The following PRDM10 variants were observed in gnomAD, a reference collection of about 807,000 sequenced individuals.
PRDM10 encodes the protein PR/SET domain 10.
In PRDM10, 65 loss-of-function variants were observed where a neutral mutation model predicts 133.1. The observed-to-expected ratio is 0.49, with a 90% CI of 0.40 to 0.60. The LOEUF (loss-of-function observed/expected upper bound fraction) is 0.60, where lower values mean the gene tolerates loss of function less well. Ranked by LOEUF, PRDM10 falls within the 20% of genes least tolerant of loss-of-function variation. PRDM10 has a pLI of 0.00. For missense variants in PRDM10, 1,137 were observed against 1,507.1 expected (o/e 0.75, Z 4.07); for synonymous variants, 582 against 580.4 (o/e 1.00, Z -0.04).
At position 129,914,914 on chromosome 11, in the gene PRDM10, C is replaced by T. The variant is rs758074195; in HGVS notation, c.2631G>A (p.Ala877=). The change falls in exon 17 of 21, where the codon GCG becomes GCA. Residue 877 remains alanine (A), a synonymous_variant. Transcript: ENST00000360871. ...CAGTGGCGCTGTCTGTAGTCAAAACCGCTGGGGTGGCACTGATCACAGCTG... is the reference window on the plus strand; with the variant it reads ...CAGTGGCGCTGTCTGTAGTCAAAACTGCTGGGGTGGCACTGATCACAGCTG... ...LTTAVISATP[A]VLTTDSATGE... 2.7e-5 allele frequency: 43 copies of T among 1,613,994 alleles called. No individual in the cohort carries two copies. The highest frequency in any genetic ancestry group is 3.4e-5 in the Non-Finnish European group (40 of 1,180,018).
intron 1 of PRDM10, among the ~76,000 whole-genome samples, chr11:129,992,912 C>T (rs1312249188): frequency 6.6e-6 from 1 of 152,136 alleles, no homozygotes; most frequent in African/African-American, 2.4e-5. Flanking sequence ...ACACAGCAGT[C>T]CTGAAATAGT....
intron 1 of PRDM10, among the ~76,000 whole-genome samples, chr11:129,988,397 A>G (rs1938540992): frequency 6.6e-6 from 1 of 152,076 alleles, no homozygotes; most frequent in Admixed American, 6.6e-5. Flanking sequence ...TGAGACTGGC[A>G]ATTTTTATAT....
At chr11:129,933,538 A>AT (rs1204604694) in intron 9 of PRDM10, among the ~76,000 whole-genome samples, 2 of 152,202 alleles carry the variant, frequency 1.3e-5, no homozygotes, top group Admixed American at 1.3e-4. Flanking sequence ...GAGTATTATT[A>AT]TATCTAGTCA....
At chr11:129,978,529 A>C (rs1445880227) in intron 1 of PRDM10, among the ~76,000 whole-genome samples, 11 of 152,214 alleles carry the variant, frequency 7.2e-5, no homozygotes, top group African/African-American at 2.7e-4. Flanking sequence ...CAAGGCTTCA[A>C]AACCAACCAA....
chr11:129,930,636 T>C (rs1950823219), intron 11 of PRDM10, among the ~76,000 whole-genome samples: 1 of 152,172 alleles, frequency 6.6e-6, no homozygotes, highest in Non-Finnish European at 1.5e-5. Context: ...TTACCCAAAA[T>C]CAACTTGAGA....
At position 129,991,906 on chromosome 11, in the gene PRDM10, G is replaced by A. The variant is rs114392384; in HGVS notation, c.-119+10816C>T. Among the ~76,000 whole-genome samples, 585 of 151,864 alleles carry A rather than the reference G, an allele frequency of 3.9e-3. 5 individuals are homozygous for A. Among genetic ancestry groups the A allele is most frequent in the African/African-American group, 0.013 (551 of 41,420 alleles). ...GCTGAGACAGGAGTATCAGAGAATC[G>A]CTTGAACCCAGGAGGCAGAGGTTGC... On this transcript the variant is annotated intron_variant, in intron 1 of 20. Coordinates refer to ENST00000360871, the MANE Select transcript of PRDM10 (RefSeq NM_199437.2).
intron 1 of PRDM10, among the ~76,000 whole-genome samples, chr11:129,994,483 A>AC (rs1295766649): frequency 6.7e-6 from 1 of 149,362 alleles, no homozygotes; most frequent in East Asian, 2.0e-4. Flanking sequence ...AAAAAAAAAA[A>AC]GAAACGAAAC....
chr11:129,907,358 C>T (rs1168099281), intron 19 of PRDM10, among the ~76,000 whole-genome samples: 1 of 152,186 alleles, frequency 6.6e-6, no homozygotes, highest in Non-Finnish European at 1.5e-5. Flanking sequence ...ACTCAAAAGT[C>T]ATCATCAATT....
At chr11:129,956,342 C>T (rs779951818) in intron 3 of PRDM10, among the ~76,000 whole-genome samples, 8 of 152,160 alleles carry the variant, frequency 5.3e-5, no homozygotes, top group African/African-American at 1.2e-4. Flanking sequence ...CCAAGGCAGG[C>T]GGATCACCTG....
intron 1 of PRDM10, among the ~76,000 whole-genome samples, chr11:129,970,791 C>T (rs754887060): frequency 5.3e-5 from 8 of 152,072 alleles, no homozygotes; most frequent in Non-Finnish European, 1.2e-4. Context: ...GGTGATCCAC[C>T]CACCCTGGCC....
At position 129,927,632 on chromosome 11, in the gene PRDM10, T is replaced by C. The variant is rs532378833; in HGVS notation, c.1531-2403A>G. Among the ~76,000 whole-genome samples, 70 of 152,290 alleles carry C rather than the reference T, an allele frequency of 4.6e-4. 2 individuals are homozygous for C. In the South Asian group the frequency reaches 0.014, roughly 31 times the overall value. On this transcript the variant is annotated intron_variant, in intron 11 of 20. Transcript: ENST00000360871. Reference sequence around the variant, plus strand: ...ACTTGATTTAAACTGAGCCACCACCTGGCTCCACTTTCTTGGCTCTATTGA... The same window carrying C: ...ACTTGATTTAAACTGAGCCACCACCCGGCTCCACTTTCTTGGCTCTATTGA...
chr11:129,954,238 T>C (rs1178891177), intron 4 of PRDM10, among the ~76,000 whole-genome samples: 1 of 150,668 alleles, frequency 6.6e-6, no homozygotes, highest in African/African-American at 2.4e-5. Flanking sequence ...AAAGTGCTTC[T>C]TCTTTTAAAT....
rs148978630 is a variant in PRDM10 at position 129,953,218 on chromosome 11, T to C, written c.294+2294A>G. On this transcript the variant is annotated intron_variant, in intron 4 of 20. Transcript: ENST00000360871. The stretch of plus-strand genomic sequence containing the variant: ...GTATCAAACTCCTGATCTCAGGTGA[T>C]CCGCCCACCTTGGCTTCCCAAAGTG... 7.2e-4 allele frequency among the ~76,000 whole-genome samples: 110 copies of C among 152,170 alleles called. No individual in the cohort carries two copies. In the East Asian group the frequency reaches 0.02, roughly 28 times the overall value.
At chr11:129,917,328 C>G in intron 14 of PRDM10, 91 bp from the exon 15 acceptor site, 1 of 938,040 alleles carries the variant, frequency 1.1e-6, no homozygotes, top group Non-Finnish European at 1.6e-6. Context: ...CCGCCAGAAG[C>G]TGGAATTCTC....
At chr11:129,995,778 T>C (rs1457835549) in intron 1 of PRDM10, among the ~76,000 whole-genome samples, 1 of 152,082 alleles carries the variant, frequency 6.6e-6, no homozygotes, top group Non-Finnish European at 1.5e-5. Flanking sequence ...AAACCCCGTC[T>C]CTACTAAAAA....
rs1456549473 is a variant in PRDM10 at position 129,947,432 on chromosome 11, G to C, written c.295-62C>G. The C allele has an allele frequency of 1.4e-5, 22 of 1,603,778 alleles. No homozygotes were observed. Among genetic ancestry groups the C allele is most frequent in the Non-Finnish European group, 1.9e-5 (22 of 1,171,936 alleles). On this transcript the variant is annotated intron_variant, in intron 4 of 20. Transcript: ENST00000360871. This position sits in a 1 kb window ranked among gnomAD's most constrained non-coding sequence, Gnocchi z 4.6. ...GGACACCTGCTTTTGGTTCGCTGGT[G>C]CCTGCTGGCACAAACAGGGCGCAAG...
At chr11:129,970,538 A>ACCCAACC (rs1378801264) in intron 1 of PRDM10, among the ~76,000 whole-genome samples, 1 of 147,334 alleles carries the variant, frequency 6.8e-6, no homozygotes, top group East Asian at 2.1e-4. Flanking sequence ...TAACAATCAT[A>ACCCAACC]CCCAACCTTT....
chr11:129,915,640 T>C lies in PRDM10; in HGVS notation c.2526+20A>G, dbSNP rs1358536464. On this transcript the variant is annotated intron_variant, in intron 16 of 20. Coordinates refer to ENST00000360871, the MANE Select transcript of PRDM10 (RefSeq NM_199437.2). Reference sequence around the variant, plus strand: ...CGCATGGCGGTTTTGACCTTAGCTTTAGTCAGAAACTCCCCCTACCTTGCT... The same window carrying C: ...CGCATGGCGGTTTTGACCTTAGCTTCAGTCAGAAACTCCCCCTACCTTGCT... The C allele has an allele frequency of 6.5e-7, 1 of 1,550,104 alleles. No homozygotes were observed. Among genetic ancestry groups the C allele is most frequent in the Non-Finnish European group, 8.7e-7 (1 of 1,148,852 alleles).
intron 19 of PRDM10, among the ~76,000 whole-genome samples, chr11:129,906,406 G>A (rs1011826554): frequency 5.3e-5 from 8 of 152,124 alleles, no homozygotes; most frequent in African/African-American, 1.4e-4. Context: ...GGGATCACTC[G>A]AGCATGGGTA....
Sources: allele counts gnomAD v4.1 joint callset (sites outside exome capture counted in the v4.1 genomes callset), GRCh38; gene constraint gnomAD v4.1.1; non-coding constraint Gnocchi (gnomAD v3.1); transcripts MANE v1.5; gene names NCBI Gene and HGNC (gene_info 2026-07-23, HGNC 2026-07-21).